DAB1: variants seen among roughly 807,000 people sequenced by gnomAD.
The protein encoded by DAB1 is disabled homolog 1.
Under a neutral mutation model 64.6 loss-of-function variants are expected in DAB1, and 15 were observed. The ratio of observed to expected loss-of-function variants is 0.23; its 90% CI spans 0.16 to 0.36. The LOEUF is 0.36. DAB1 is among the 10% of genes least tolerant of loss of function. The pLI, the probability that DAB1 is intolerant of heterozygous loss-of-function variation, is 1.00. For missense variants in DAB1, 596 were observed against 706.7 expected (o/e 0.84, Z 1.78); for synonymous variants, 235 against 251.9 (o/e 0.93, Z 0.64).
intron 7 of DAB1, among the ~76,000 whole-genome samples, chr1:57,461,976 A>T (rs965614893): frequency 2.2e-5 from 3 of 137,042 alleles, no homozygotes; most frequent in Non-Finnish European, 3.1e-5. Context: ...TTTTTTACAC[A>T]AAGTCTTGTC....
At chr1:57,515,646 CT>C (rs1309933471) in intron 7 of DAB1, among the ~76,000 whole-genome samples, 2 of 152,226 alleles carry the variant, frequency 1.3e-5, no homozygotes, top group African/African-American at 4.8e-5. Context: ...GTGTCTGCCC[CT>C]GGGCTACCAT....
intron 3 of DAB1, among the ~76,000 whole-genome samples, chr1:58,391,969 T>C (rs533515253): frequency 6.6e-6 from 1 of 152,378 alleles, no homozygotes; most frequent in African/African-American, 2.4e-5. Flanking sequence ...AGCAGCCATC[T>C]TGAAATACCA....
intron 1 of DAB1, among the ~76,000 whole-genome samples, chr1:57,855,582 A>T (rs964364916): frequency 1.3e-5 from 2 of 152,172 alleles, no homozygotes; most frequent in African/African-American, 4.8e-5. Context: ...AATGAAATGA[A>T]GGGTGGGCCA....
chr1:58,074,564 G>GTGTATATATATATATATATATA (rs1332531604), intron 5 of DAB1: 4 of 91,632 alleles, frequency 4.4e-5, no homozygotes, highest in African/African-American at 1.7e-4. Flanking sequence ...ATATATGTGT[G>GTGTATATATATATATATATATA]TATATATATA....
chr1:58,006,999 AT>A (rs1342910935), intron 5 of DAB1, among the ~76,000 whole-genome samples: 1 of 152,192 alleles, frequency 6.6e-6, no homozygotes, highest in African/African-American at 2.4e-5. Flanking sequence ...CCAATAACTC[AT>A]TCTACATCTC....
chr1:58,411,280 T>C (rs1454249154), intron 3 of DAB1, among the ~76,000 whole-genome samples: 1 of 152,192 alleles, frequency 6.6e-6, no homozygotes, highest in African/African-American at 2.4e-5. Flanking sequence ...TCAGATTGCC[T>C]AAGTTCAAAT....
At chr1:57,144,611 T>C (rs1004134142) in intron 3 of DAB1, among the ~76,000 whole-genome samples, 3 of 151,758 alleles carry the variant, frequency 2.0e-5, no homozygotes, top group Admixed American at 1.3e-4. Context: ...GGAGAATTGC[T>C]TGAACCCAGG....
intron 2 of DAB1, among the ~76,000 whole-genome samples, chr1:57,205,493 C>T (rs1457498502): frequency 6.6e-6 from 1 of 152,138 alleles, no homozygotes; most frequent in Non-Finnish European, 1.5e-5. Flanking sequence ...GAGGAAAGTA[C>T]ATTTTTATAA....
At chr1:57,165,054 A>C (rs1216725069) in intron 2 of DAB1, among the ~76,000 whole-genome samples, 1 of 152,088 alleles carries the variant, frequency 6.6e-6, no homozygotes. Flanking sequence ...TAGCTTTCCA[A>C]CTGCAATACA....
At chr1:57,061,266 G>A (rs1184328151) in intron 9 of DAB1, among the ~76,000 whole-genome samples, 2 of 151,370 alleles carry the variant, frequency 1.3e-5, no homozygotes, top group Non-Finnish European at 2.9e-5. Context: ...GGAAGAGTGG[G>A]TTATAGAAAT....
intron 4 of DAB1, among the ~76,000 whole-genome samples, chr1:58,297,726 T>G (rs551972169): frequency 5.3e-5 from 8 of 152,296 alleles, no homozygotes; most frequent in African/African-American, 1.9e-4. Flanking sequence ...ATTGGTTAGA[T>G]TAGAGAAGGC....
intron 5 of DAB1, among the ~76,000 whole-genome samples, chr1:57,935,523 G>A (rs1645012759): frequency 6.6e-6 from 1 of 152,140 alleles, no homozygotes; most frequent in Non-Finnish European, 1.5e-5. Context: ...GTCAGTGTTA[G>A]GAGAAGGAGA....
intron 7 of DAB1, among the ~76,000 whole-genome samples, chr1:57,509,913 C>T (rs1440897242): frequency 1.3e-5 from 2 of 152,190 alleles, no homozygotes; most frequent in Non-Finnish European, 2.9e-5. Context: ...CTATGCTCCA[C>T]ATCTCTGCAA....
At chr1:57,070,047 G>A (rs142860297) in intron 7 of DAB1, among the ~76,000 whole-genome samples, 10 of 152,234 alleles carry the variant, frequency 6.6e-5, no homozygotes, top group East Asian at 1.9e-4. Flanking sequence ...ACAAATCCTC[G>A]GCCCTCAGCA....
intron 6 of DAB1, among the ~76,000 whole-genome samples, chr1:57,818,647 T>C (rs1245204666): frequency 6.6e-6 from 1 of 151,908 alleles, no homozygotes; most frequent in Non-Finnish European, 1.5e-5. Context: ...TTGCTCTTCA[T>C]TTTACAGCAG....
At chr1:57,203,353 C>A (rs1259507675) in intron 2 of DAB1, among the ~76,000 whole-genome samples, 1 of 152,158 alleles carries the variant, frequency 6.6e-6, no homozygotes, top group Non-Finnish European at 1.5e-5. Context: ...TCCTACCGAA[C>A]CATAAGCTCC....
At chr1:57,305,831 C>T (rs1314763113) in intron 1 of DAB1, among the ~76,000 whole-genome samples, 7 of 151,526 alleles carry the variant, frequency 4.6e-5, no homozygotes, top group Admixed American at 1.3e-4. Context: ...TAGCCGGGCG[C>T]GGTTACGGGT....
At chr1:57,261,195 C>T (rs1454704313) in intron 2 of DAB1, among the ~76,000 whole-genome samples, 6 of 152,092 alleles carry the variant, frequency 3.9e-5, no homozygotes, top group Admixed American at 3.9e-4. Context: ...CCCCAACCTC[C>T]GCAAGAAACA....
intron 4 of DAB1, among the ~76,000 whole-genome samples, chr1:57,078,712 A>T (rs1018815585): frequency 1.3e-5 from 2 of 152,186 alleles, no homozygotes; most frequent in Non-Finnish European, 2.9e-5. Context: ...CCTGTCAGCC[A>T]TTATAGGTGT....
Sources: allele counts gnomAD v4.1 joint callset (sites outside exome capture counted in the v4.1 genomes callset), GRCh38; gene constraint gnomAD v4.1.1; transcripts MANE v1.5; gene names NCBI Gene and HGNC (gene_info 2026-07-23, HGNC 2026-07-21).